Variants in SGCD observed in about 807,000 individuals in gnomAD.
SGCD encodes sarcoglycan delta.
A neutral mutation model predicts 36.6 loss-of-function variants in SGCD; 18 were observed. The observed-to-expected ratio is 0.49, with a 90% confidence interval of 0.34 to 0.73. The LOEUF is 0.73. Ranked by LOEUF, SGCD falls within the 30% of genes least tolerant of loss-of-function variation. The pLI is 0.01. For synonymous variants in SGCD, 133 were observed against 130.6 expected, an observed-to-expected ratio of 1.02 and a Z score of -0.12; for missense variants, 387 against 346.7, an observed-to-expected ratio of 1.12 and a Z score of -0.92.
At chr5:155,950,234 T>A (rs887123972) in intron 1 of SGCD, among the ~76,000 whole-genome samples, 1 of 152,208 alleles carries the variant, frequency 6.6e-6, no homozygotes, top group Non-Finnish European at 1.5e-5. Flanking sequence ...TCAATGTCTG[T>A]ATAATTTATG....
intron 6 of SGCD, among the ~76,000 whole-genome samples, chr5:156,645,935 G>A (rs538202406): frequency 6.6e-6 from 1 of 152,270 alleles, no homozygotes; most frequent in South Asian, 2.1e-4. Flanking sequence ...CTTTGTGCCA[G>A]AGATCTCATT....
intron 3 of SGCD, among the ~76,000 whole-genome samples, chr5:156,174,598 G>C (rs778253195): frequency 6.6e-6 from 1 of 152,180 alleles, no homozygotes; most frequent in South Asian, 2.1e-4. Context: ...GACAGTTGGT[G>C]CTCCTGGTTT....
intron 1 of SGCD, among the ~76,000 whole-genome samples, chr5:155,988,403 A>T (rs75836743): frequency 0.016 from 2,411 of 152,234 alleles, 55 homozygotes; most frequent in African/African-American, 0.052. Context: ...TCTTAGGGTC[A>T]CTCTGAGTGT....
intron 7 of SGCD, among the ~76,000 whole-genome samples, chr5:156,653,562 C>T (rs923451209): frequency 5.5e-5 from 7 of 127,570 alleles, no homozygotes; most frequent in African/African-American, 2.0e-4. Flanking sequence ...CCTAGAATGT[C>T]ATAATCTACC....
In SGCD at chr5:156,652,600, G is replaced by A. The variant is rs142084822; in HGVS notation, c.575+5064G>A. On this transcript the variant is annotated intron_variant, in intron 7 of 8. Coordinates refer to ENST00000337851, the MANE Select transcript of SGCD (RefSeq NM_000337.6). ...TTTATTTCTCTTGCCTGATTGCTGC[G>A]GCAAAGACTTCAGTACTGTGTTGAA... is the stretch of plus-strand genomic sequence containing the variant. Among the ~76,000 whole-genome samples, 568 of 152,110 alleles carry A rather than the reference G, an allele frequency of 3.7e-3. 7 individuals are homozygous for A. Among genetic ancestry groups the A allele is most frequent in the African/African-American group, 0.012 (493 of 41,494 alleles).
intron 6 of SGCD, among the ~76,000 whole-genome samples, chr5:156,606,317 T>G (rs534335187): frequency 2.6e-5 from 4 of 152,310 alleles, no homozygotes; most frequent in Admixed American, 2.6e-4. Flanking sequence ...TTTCCCCATT[T>G]CTTCTTTTTG....
chr5:156,448,519 G>A (rs6883722), intron 3 of SGCD, among the ~76,000 whole-genome samples: 51,961 of 151,780 alleles, frequency 0.34, 12,787 homozygotes, highest in African/African-American at 0.7. Flanking sequence ...ATCTTTTCAG[G>A]GTTCAGAAGC....
the SGCD span, among the ~76,000 whole-genome samples, chr5:155,804,702 A>G: frequency 1.1e-4 from 17 of 152,340 alleles, no homozygotes; most frequent in African/African-American, 4.1e-4. Context: ...ACTCATGACC[A>G]AGAGTTCTCT....
the SGCD span, among the ~76,000 whole-genome samples, chr5:155,759,969 T>C: frequency 6.6e-6 from 1 of 152,204 alleles, no homozygotes; most frequent in Non-Finnish European, 1.5e-5. Flanking sequence ...GGTTAGCTTA[T>C]GTCAAAGCAA....
At chr5:155,839,008 A>C in the SGCD span, among the ~76,000 whole-genome samples, 4 of 152,334 alleles carry the variant, frequency 2.6e-5, no homozygotes, top group South Asian at 8.3e-4. Flanking sequence ...GTTTATATTT[A>C]TACATTTTCC....
At chr5:156,732,313 G>A (rs573447078) in intron 7 of SGCD, among the ~76,000 whole-genome samples, 7 of 151,836 alleles carry the variant, frequency 4.6e-5, no homozygotes, top group Middle Eastern at 3.2e-3. Flanking sequence ...TAACATGAAT[G>A]GATGTTGAAT....
chr5:156,255,653 ACTTTT>A (rs925065506), intron 3 of SGCD, among the ~76,000 whole-genome samples: 1 of 151,948 alleles, frequency 6.6e-6, no homozygotes, highest in African/African-American at 2.4e-5. Context: ...TATTGGTAAT[ACTTTT>A]CTTTTTTTGT....
At chr5:155,758,354 T>G in the SGCD span, among the ~76,000 whole-genome samples, 1 of 152,236 alleles carries the variant, frequency 6.6e-6, no homozygotes, top group African/African-American at 2.4e-5. Flanking sequence ...CTGTCCTTAC[T>G]AAACTATTGG....
chr5:156,560,118 T>A (rs1759208908), intron 4 of SGCD, among the ~76,000 whole-genome samples: 1 of 152,222 alleles, frequency 6.6e-6, no homozygotes. Flanking sequence ...GCTATTTCTG[T>A]CAGTTTTGTT....
intron 3 of SGCD, among the ~76,000 whole-genome samples, chr5:156,466,217 C>T (rs1385984362): frequency 2.0e-5 from 3 of 152,104 alleles, no homozygotes; most frequent in Admixed American, 1.3e-4. Flanking sequence ...CCTTAACTGG[C>T]GAACTATAGG....
the SGCD span, among the ~76,000 whole-genome samples, chr5:155,851,378 A>G: frequency 1.3e-5 from 2 of 152,034 alleles, no homozygotes; most frequent in Non-Finnish European, 2.9e-5. Context: ...AAGCGAAGGC[A>G]CTTTCCATGG....
At chr5:156,741,439 C>A (rs758062393) in intron 7 of SGCD, among the ~76,000 whole-genome samples, 5 of 152,110 alleles carry the variant, frequency 3.3e-5, no homozygotes, top group Non-Finnish European at 5.9e-5. Flanking sequence ...GGAAAGGGAC[C>A]CAGTTTCCCA....
the SGCD span, among the ~76,000 whole-genome samples, chr5:155,768,362 A>G: frequency 6.6e-6 from 1 of 151,664 alleles, no homozygotes; most frequent in Non-Finnish European, 1.5e-5. Context: ...TCATTCCTGC[A>G]TTCATCCATG....
chr5:156,133,845 CTT>C (rs1426279007), intron 3 of SGCD, among the ~76,000 whole-genome samples: 1 of 151,262 alleles, frequency 6.6e-6, no homozygotes, highest in Non-Finnish European at 1.5e-5. Flanking sequence ...GTCTTTGAAA[CTT>C]AACAAAATCT....
Sources: allele counts gnomAD v4.1 joint callset (sites outside exome capture counted in the v4.1 genomes callset), GRCh38; gene constraint gnomAD v4.1.1; transcripts MANE v1.5; gene names NCBI Gene and HGNC (gene_info 2026-07-23, HGNC 2026-07-21).